The following FSTL5 variants were observed in gnomAD, a reference collection of about 807,000 sequenced individuals.
The protein encoded by FSTL5 is follistatin-related protein 5.
A neutral mutation model predicts 89.1 loss-of-function variants in FSTL5; 62 were observed. The observed-to-expected ratio is 0.70, with a 90% CI of 0.57 to 0.86. The LOEUF (loss-of-function observed/expected upper bound fraction) is 0.86. Ranked by LOEUF, FSTL5 falls within the 40% of genes least tolerant of loss-of-function variation. The pLI is 0.00. For synonymous variants in FSTL5, 383 were observed against 346.2 expected, an observed-to-expected ratio of 1.11 and a Z score of -1.18; for missense variants, 1,057 against 1,001.6, an observed-to-expected ratio of 1.06 and a Z score of -0.75.
At chr4:161,607,535 C>G (rs1480805367) in intron 7 of FSTL5, among the ~76,000 whole-genome samples, 1 of 152,156 alleles carries the variant, frequency 6.6e-6, no homozygotes, top group South Asian at 2.1e-4. Context: ...AAAACTTTCT[C>G]TAAGACAATT....
At chr4:161,687,774 T>C (rs927334998) in intron 6 of FSTL5, among the ~76,000 whole-genome samples, 1 of 152,168 alleles carries the variant, frequency 6.6e-6, no homozygotes, top group African/African-American at 2.4e-5. Context: ...GCAAGGAGAA[T>C]ATCAACAGAG....
At chr4:162,124,209 G>A (rs1345321887) in intron 1 of FSTL5, among the ~76,000 whole-genome samples, 2 of 152,158 alleles carry the variant, frequency 1.3e-5, no homozygotes, top group Non-Finnish European at 2.9e-5. Context: ...TAAATTTAGA[G>A]ATAGCTATTA....
intron 4 of FSTL5, among the ~76,000 whole-genome samples, chr4:161,825,185 G>GTA (rs889908633): frequency 1.3e-5 from 2 of 152,026 alleles, no homozygotes; most frequent in Non-Finnish European, 2.9e-5. Context: ...TTTATGTGGC[G>GTA]TATCACATTT....
intron 13 of FSTL5, among the ~76,000 whole-genome samples, chr4:161,466,582 GC>G (rs745363117): frequency 2.6e-5 from 4 of 152,076 alleles, no homozygotes; most frequent in Non-Finnish European, 5.9e-5. Flanking sequence ...GTTACAATAA[GC>G]CCCTTCTGCA....
intron 4 of FSTL5, among the ~76,000 whole-genome samples, chr4:161,777,901 C>G (rs1023552444): frequency 6.6e-6 from 1 of 152,106 alleles, no homozygotes; most frequent in Non-Finnish European, 1.5e-5. Context: ...CGAGGCCAGC[C>G]TGGCCAACAT....
intron 4 of FSTL5, among the ~76,000 whole-genome samples, chr4:161,870,457 C>T (rs923900951): frequency 4.3e-4 from 65 of 152,010 alleles, no homozygotes; most frequent in African/African-American, 1.5e-3. Context: ...GAATAATAGC[C>T]TAATTTAATC....
chr4:161,960,267 A>G (rs1735140758), intron 3 of FSTL5, among the ~76,000 whole-genome samples: 1 of 151,308 alleles, frequency 6.6e-6, no homozygotes, highest in Non-Finnish European at 1.5e-5. Context: ...CCCAGGTTCA[A>G]GAGATTCTCC....
At chr4:161,716,201 T>C (rs754241449) in intron 6 of FSTL5, among the ~76,000 whole-genome samples, 23 of 152,106 alleles carry the variant, frequency 1.5e-4, no homozygotes, top group Non-Finnish European at 1.5e-5. Flanking sequence ...GATAATGCTG[T>C]CTCCTCCTCA....
intron 4 of FSTL5, among the ~76,000 whole-genome samples, chr4:161,864,041 C>T (rs1732002466): frequency 1.3e-5 from 2 of 152,176 alleles, no homozygotes; most frequent in Non-Finnish European, 2.9e-5. Flanking sequence ...AGAGTAGTGT[C>T]AACTTTTGTT....
intron 4 of FSTL5, among the ~76,000 whole-genome samples, chr4:161,868,116 A>C (rs1425538959): frequency 6.6e-6 from 1 of 152,192 alleles, no homozygotes; most frequent in East Asian, 1.9e-4. Flanking sequence ...TGTTTGAGGA[A>C]TAGCAATAGC....
At chr4:162,095,716 A>G (rs1268535175) in intron 2 of FSTL5, among the ~76,000 whole-genome samples, 1 of 152,004 alleles carries the variant, frequency 6.6e-6, no homozygotes, top group African/African-American at 2.4e-5. Context: ...GGAAAATTAA[A>G]TGATATTGTA....
At chr4:161,777,663 T>C (rs1276114572) in intron 4 of FSTL5, among the ~76,000 whole-genome samples, 1 of 152,148 alleles carries the variant, frequency 6.6e-6, no homozygotes, top group East Asian at 1.9e-4. Flanking sequence ...AGCATTAAGT[T>C]TGCCTCTCCA....
intron 7 of FSTL5, among the ~76,000 whole-genome samples, chr4:161,608,673 C>T (rs1734538758): frequency 6.6e-6 from 1 of 151,572 alleles, no homozygotes; most frequent in African/African-American, 2.4e-5. Flanking sequence ...GTATAATTTA[C>T]AATAATGTAA....
chr4:161,911,434 T>C (rs1733689427), intron 4 of FSTL5, among the ~76,000 whole-genome samples: 1 of 152,188 alleles, frequency 6.6e-6, no homozygotes, highest in Non-Finnish European at 1.5e-5. Flanking sequence ...ATTATTTGTG[T>C]GCTCTTTAGG....
intron 4 of FSTL5, among the ~76,000 whole-genome samples, chr4:161,892,252 G>A (rs1733011345): frequency 1.3e-5 from 2 of 151,912 alleles, no homozygotes; most frequent in South Asian, 4.1e-4. Flanking sequence ...ACTTAGGCCT[G>A]CTTTCATTGG....
intron 8 of FSTL5, among the ~76,000 whole-genome samples, chr4:161,583,464 C>A (rs778514871): frequency 1.3e-5 from 2 of 152,190 alleles, no homozygotes; most frequent in Non-Finnish European, 2.9e-5. Flanking sequence ...CTCCTTTGAG[C>A]CCCTGTCCTT....
rs150034103 is a variant in FSTL5, at chr4:161,737,770, C to A, written c.727+21641G>T. Among the ~76,000 whole-genome samples the A allele has an allele frequency of 2.2e-3, 339 of 151,618 alleles. 7 individuals are homozygous for A. Among genetic ancestry groups the A allele is most frequent in the East Asian group, 0.015 (76 of 5,130 alleles). ...TTGTATAACTTCCACTGTTGACCCC[C>A]ATTTATTGTGTAGATTTTAGAGATA... On this transcript the variant is annotated intron_variant, in intron 6 of 15. Coordinates refer to ENST00000306100, the MANE Select transcript of FSTL5 (RefSeq NM_020116.5).
At chr4:161,770,058 G>A (rs1388401883) in intron 5 of FSTL5, among the ~76,000 whole-genome samples, 2 of 152,002 alleles carry the variant, frequency 1.3e-5, no homozygotes. Flanking sequence ...CCTGTCATTT[G>A]CAACAACATG....
At chr4:162,101,185 A>G (rs558205037) in intron 2 of FSTL5, among the ~76,000 whole-genome samples, 1 of 152,332 alleles carries the variant, frequency 6.6e-6, no homozygotes, top group South Asian at 2.1e-4. Context: ...CTATAAAGCA[A>G]ACTTTGCATT....
Sources: allele counts gnomAD v4.1 joint callset (sites outside exome capture counted in the v4.1 genomes callset), GRCh38; gene constraint gnomAD v4.1.1; transcripts MANE v1.5; gene names NCBI Gene and HGNC (gene_info 2026-07-23, HGNC 2026-07-21).